Variants in CEMIP observed in about 807,000 individuals in gnomAD.
CEMIP encodes the protein cell migration inducing hyaluronidase 1.
A neutral mutation model predicts 156.9 loss-of-function variants in CEMIP; 105 were observed. That is an observed-to-expected ratio of 0.67 (90% CI 0.57 to 0.79). CEMIP has a LOEUF of 0.79. Ranked by LOEUF, CEMIP falls within the 30% of genes least tolerant of loss-of-function variation. The pLI, the probability that CEMIP is intolerant of heterozygous loss-of-function variation, is 0.00. For missense variants in CEMIP, 1,457 were observed against 1,769.4 expected (o/e 0.82, Z 3.17); for synonymous variants, 676 against 668.4 (o/e 1.01, Z -0.17).
intron 1 of CEMIP, among the ~76,000 whole-genome samples, chr15:80,820,703 C>G (rs1395609798): frequency 6.6e-6 from 1 of 152,238 alleles, no homozygotes; most frequent in Non-Finnish European, 1.5e-5. Flanking sequence ...TTCCCGAGGA[C>G]AGTGAGAACT....
At chr15:80,880,113 A>G (rs1898598402) in intron 5 of CEMIP, among the ~76,000 whole-genome samples, 1 of 152,200 alleles carries the variant, frequency 6.6e-6, no homozygotes, top group Admixed American at 6.5e-5. Context: ...CCTTCCAATC[A>G]TGTCATGTTC....
intron 8 of CEMIP, among the ~76,000 whole-genome samples, chr15:80,888,019 G>A (rs1232884451): frequency 6.6e-6 from 1 of 152,176 alleles, no homozygotes; most frequent in Non-Finnish European, 1.5e-5. Context: ...CCTAGAATTG[G>A]CATAGAAAAG....
rs745818635 is a variant in CEMIP, at chr15:80,909,092, C to T, written c.1588-5C>T. On this transcript the variant is annotated splice_polypyrimidine_tract_variant and splice_region_variant and intron_variant, in intron 13 of 29. Coordinates refer to ENST00000394685, the MANE Select transcript of CEMIP (RefSeq NM_001293298.2). ...CTCCTCTGACTCTCGGTTCTCCTCT[C>T]CTAGTTTGCTCTGGGATTTAAGGCA... The T allele has an allele frequency of 1.9e-6, 3 of 1,613,580 alleles. No individual in the cohort carries two copies. Among genetic ancestry groups the T allele is most frequent in the Non-Finnish European group, 2.5e-6 (3 of 1,179,934 alleles).
At chr15:80,848,745 G>C (rs1158997081) in intron 1 of CEMIP, among the ~76,000 whole-genome samples, 2 of 152,142 alleles carry the variant, frequency 1.3e-5, no homozygotes, top group African/African-American at 4.8e-5. Flanking sequence ...CCCAGCTTCT[G>C]AAAGTAGGGC....
chr15:80,807,912 C>T (rs1246648266), intron 1 of CEMIP, among the ~76,000 whole-genome samples: 2 of 152,062 alleles, frequency 1.3e-5, no homozygotes, highest in Non-Finnish European at 2.9e-5. Flanking sequence ...TCAGGGAGCA[C>T]CTGTGTGCTC....
intron 1 of CEMIP, among the ~76,000 whole-genome samples, chr15:80,842,846 G>A (rs1897459846): frequency 6.6e-6 from 1 of 152,230 alleles, no homozygotes; most frequent in South Asian, 2.1e-4. Flanking sequence ...GGTCGTGGCA[G>A]CAGGAATGAG....
At chr15:80,860,996 T>A (rs1407651820) in intron 1 of CEMIP, among the ~76,000 whole-genome samples, 1 of 152,078 alleles carries the variant, frequency 6.6e-6, no homozygotes, top group Non-Finnish European at 1.5e-5. Flanking sequence ...TTTCTCTCTG[T>A]AGCTCTTTGT....
chr15:80,854,476 T>C (rs1897795544), intron 1 of CEMIP, among the ~76,000 whole-genome samples: 1 of 152,260 alleles, frequency 6.6e-6, no homozygotes, highest in Non-Finnish European at 1.5e-5. Flanking sequence ...GGCTGACCTG[T>C]GAGCCTGGTG....
intron 3 of CEMIP, among the ~76,000 whole-genome samples, chr15:80,875,246 G>C (rs1378046444): frequency 6.6e-6 from 1 of 151,832 alleles, no homozygotes; most frequent in Non-Finnish European, 1.5e-5. Context: ...TGTTGTCCAG[G>C]CTAGTCTCAA....
At chr15:80,832,428 G>A (rs1210917654) in intron 1 of CEMIP, among the ~76,000 whole-genome samples, 2 of 150,660 alleles carry the variant, frequency 1.3e-5, no homozygotes, top group Non-Finnish European at 3.0e-5. Flanking sequence ...TGACCTGTTT[G>A]GTCCAAAAGT....
rs1900967414 is a variant in CEMIP, at chr15:80,932,680, C to T, written c.2794-565C>T. On this transcript the variant is annotated intron_variant, in intron 22 of 29. Coordinates refer to ENST00000394685, the MANE Select transcript of CEMIP (RefSeq NM_001293298.2). The surrounding 1 kb of genome is among the most constrained non-coding windows in gnomAD (Gnocchi z 4.5). ...CCAGTTCCTGGCAGGCTGAGGGAAA[C>T]GATGTGAAACTGAAATGACTTAATG... Among the ~76,000 whole-genome samples the T allele has an allele frequency of 6.6e-6, 1 of 152,238 alleles. No homozygotes were observed. Among genetic ancestry groups the T allele is most frequent in the South Asian group, 2.1e-4 (1 of 4,828 alleles).
chr15:80,829,323 G>C (rs7173733), intron 1 of CEMIP, among the ~76,000 whole-genome samples: 40,079 of 152,136 alleles, frequency 0.26, 5,308 homozygotes, highest in South Asian at 0.34. Flanking sequence ...TACGATTCCT[G>C]ATCCTCATTC....
chr15:80,944,959 G>A (rs1901486042), intron 28 of CEMIP, among the ~76,000 whole-genome samples: 1 of 152,166 alleles, frequency 6.6e-6, no homozygotes, highest in Non-Finnish European at 1.5e-5. Context: ...GCAGGCATTG[G>A]TACCACTAGA....
intron 1 of CEMIP, among the ~76,000 whole-genome samples, chr15:80,871,150 T>C (rs145709194): frequency 1.3e-3 from 203 of 152,296 alleles, no homozygotes; most frequent in African/African-American, 4.2e-3. Context: ...CCCAAGGAAA[T>C]TTGGGAATCT....
intron 23 of CEMIP, 41 bp from the exon 24 acceptor site, chr15:80,936,633 G>T (rs145470786): frequency 2.0e-6 from 3 of 1,533,886 alleles, no homozygotes; most frequent in African/African-American, 1.4e-5. Flanking sequence ...ATAATCCTTC[G>T]TAATAGCCTC....
In CEMIP at chr15:80,873,607, T is replaced by G. The variant is rs772004350; in HGVS notation, c.-106T>G. The stretch of plus-strand genomic sequence containing the variant: ...ATGAAATTCCACCCATCACTCGGTC[T>G]CTGAGCTGCAGGACACAGGCAGGAC... On this transcript the variant is annotated 5_prime_UTR_variant, in exon 2 of 30. Coordinates refer to ENST00000394685, the MANE Select transcript of CEMIP (RefSeq NM_001293298.2). 4.2e-6 allele frequency: 2 copies of G among 474,606 alleles called. No homozygotes were observed. The highest frequency in any genetic ancestry group is 3.4e-5 in the Admixed American group (1 of 29,034). The allele number at this position is 474,606 out of a possible 1,614,324, so 29.4% of individuals were successfully genotyped here.
intron 1 of CEMIP, among the ~76,000 whole-genome samples, chr15:80,849,983 AGTG>A (rs1897673670): frequency 1.3e-5 from 2 of 152,194 alleles, no homozygotes; most frequent in Admixed American, 6.5e-5. Context: ...GTTTGTAAGC[AGTG>A]GTGGTGGGGA....
chr15:80,900,644 G>GTGTGTGTGTGTC (rs1899474297), intron 12 of CEMIP, among the ~76,000 whole-genome samples: 1 of 124,494 alleles, frequency 8.0e-6, no homozygotes, highest in Non-Finnish European at 1.8e-5. Context: ...GTGTGTGTGT[G>GTGTGTGTGTGTC]TGTGTCTGTG....
Position 80,849,169 on chromosome 15 carries a change from G to C in CEMIP, c.-175-24369G>C, listed in dbSNP as rs1897646075. 2.0e-5 allele frequency among the ~76,000 whole-genome samples: 3 copies of C among 151,418 alleles called. No homozygotes were observed. The South Asian group carries it at 6.3e-4, about 32-fold the overall frequency. ...ACCACAGCTGGCTATTTTTTTTGTA[G>C]AGATGGGGTTTCACTATGTTGGCCA... is the stretch of plus-strand genomic sequence containing the variant. On this transcript the variant is annotated intron_variant, in intron 1 of 29. Transcript: ENST00000394685.
Sources: allele counts gnomAD v4.1 joint callset (sites outside exome capture counted in the v4.1 genomes callset), GRCh38; gene constraint gnomAD v4.1.1; non-coding constraint Gnocchi (gnomAD v3.1); transcripts MANE v1.5; gene names NCBI Gene and HGNC (gene_info 2026-07-23, HGNC 2026-07-21).